The following DCDC2C variants were observed in gnomAD, a reference collection of about 807,000 sequenced individuals.
DCDC2C encodes doublecortin domain containing 2C.
In DCDC2C, 44 loss-of-function variants were observed where a neutral mutation model predicts 45.0. That is an observed-to-expected ratio of 0.98 (90% confidence interval 0.77 to 1.26). DCDC2C has a LOEUF of 1.26. DCDC2C is among the 50% of genes most tolerant of loss of function. The pLI is 0.00. For synonymous variants in DCDC2C, 187 were observed against 178.8 expected (o/e 1.05, Z -0.37); for missense variants, 447 against 468.9 (o/e 0.95, Z 0.43).
At chr2:3,748,673 T>C (rs1421973715) in intron 4 of DCDC2C, among the ~76,000 whole-genome samples, 1 of 152,118 alleles carries the variant, frequency 6.6e-6, no homozygotes, top group Non-Finnish European at 1.5e-5. Context: ...TATTGACGGT[T>C]GAGGTGCTGG....
intron 4 of DCDC2C, among the ~76,000 whole-genome samples, chr2:3,750,198 C>T (rs1401256286): frequency 6.6e-6 from 1 of 152,158 alleles, no homozygotes; most frequent in Non-Finnish European, 1.5e-5. Context: ...CAGCCAAGAA[C>T]ATAAGCACGA....
intron 4 of DCDC2C, among the ~76,000 whole-genome samples, chr2:3,742,291 G>A (rs1450434054): frequency 6.6e-6 from 1 of 152,192 alleles, no homozygotes; most frequent in Non-Finnish European, 1.5e-5. Flanking sequence ...GGAGAATACA[G>A]CATTGCAAAA....
In DCDC2C at chr2:3,837,622, A is replaced by AGACAGTATCAAGAG. The variant is rs1558249632; in HGVS notation, c.1066-9532_1066-9531insGACAGTATCAAGAG. Among the ~76,000 whole-genome samples the AGACAGTATCAAGAG allele has an allele frequency of 8.8e-5, 11 of 124,478 alleles. 5 individuals carry two copies. Among genetic ancestry groups the AGACAGTATCAAGAG allele is most frequent in the African/African-American group, 1.7e-4 (6 of 35,624 alleles). The allele number at this position is 124,478 out of a possible 152,430, so 81.7% of individuals were successfully genotyped here. On this transcript the variant is annotated intron_variant, in intron 10 of 10. Transcript: ENST00000399143. ...TCATCTAAAGGGGAAGAAACTGAGGAAGAAATCAGCCTTTGGCTCCCCCTT... is the reference window on the plus strand; with the variant it reads ...TCATCTAAAGGGGAAGAAACTGAGGAGACAGTATCAAGAGAGAAATCAGCCTTTGGCTCCCCCTT...
At chr2:3,769,792 AT>A (rs976893884) in intron 8 of DCDC2C, among the ~76,000 whole-genome samples, 3 of 152,076 alleles carry the variant, frequency 2.0e-5, no homozygotes, top group African/African-American at 7.2e-5. Flanking sequence ...GGCCTTAGTA[AT>A]TTTTTTGTGG....
At chr2:3,815,557 G>A (rs145024646) in intron 10 of DCDC2C, among the ~76,000 whole-genome samples, 1,644 of 152,288 alleles carry the variant, frequency 0.011, 40 homozygotes, top group African/African-American at 0.037. Context: ...GTTGTCACAC[G>A]TATCCATGTG....
intron 10 of DCDC2C, among the ~76,000 whole-genome samples, chr2:3,834,431 G>A (rs1343231004): frequency 1.3e-5 from 2 of 152,154 alleles, no homozygotes; most frequent in East Asian, 3.9e-4. Context: ...GTTCCAGAAT[G>A]TCATAGAGTT....
Position 3,703,638 on chromosome 2 carries a change from G to A in DCDC2C, c.-114G>A. On this transcript the variant is annotated 5_prime_UTR_variant, in exon 1 of 11. Coordinates refer to ENST00000399143, the MANE Select transcript of DCDC2C (RefSeq NM_001287444.2). This position sits in a 1 kb window ranked among gnomAD's most constrained non-coding sequence, Gnocchi z 4.4. ...CGTCCCGTCCCCGTCCTGCGCCAGC[G>A]GCTGGAGCGGACCTCCCGTCGGCGG... 1 of 1,037,748 alleles carries A rather than the reference G, an allele frequency of 9.6e-7. No homozygotes were observed. The highest frequency in any genetic ancestry group is 1.2e-6 in the Non-Finnish European group (1 of 819,050). The allele number at this position is 1,037,748 out of a possible 1,614,324, so 64.3% of individuals were successfully genotyped here. A position where few individuals can be genotyped will look rare whatever the true frequency, so the allele number is the denominator to read the frequency against.
At chr2:3,772,278 C>G (rs542341637) in intron 8 of DCDC2C, among the ~76,000 whole-genome samples, 1 of 152,298 alleles carries the variant, frequency 6.6e-6, no homozygotes, top group East Asian at 1.9e-4. Context: ...AAGGACACTT[C>G]GATTTTCCTG....
chr2:3,744,634 C>T (rs1669309024), intron 4 of DCDC2C, among the ~76,000 whole-genome samples: 1 of 152,180 alleles, frequency 6.6e-6, no homozygotes. Flanking sequence ...TTAATCCTGC[C>T]TTATGCTTTT....
At chr2:3,821,829 T>A (rs1394349544) in intron 10 of DCDC2C, among the ~76,000 whole-genome samples, 1 of 152,268 alleles carries the variant, frequency 6.6e-6, no homozygotes, top group East Asian at 1.9e-4. Flanking sequence ...TTTTTATAAT[T>A]TTATGTAACT....
At chr2:3,797,968 G>A (rs1671008023) in intron 10 of DCDC2C, among the ~76,000 whole-genome samples, 1 of 151,268 alleles carries the variant, frequency 6.6e-6, no homozygotes, top group African/African-American at 2.4e-5. Flanking sequence ...TTGACAGTGG[G>A]GTGTTAAAGT....
intron 8 of DCDC2C, 107 bp downstream of exon 8, chr2:3,769,518 C>G (rs1670108277): frequency 1.0e-6 from 1 of 985,634 alleles, no homozygotes; most frequent in Non-Finnish European, 1.5e-6. Context: ...TCTCTGGACT[C>G]TAGAATGTTC....
chr2:3,803,864 A>C (rs1043206354), intron 10 of DCDC2C, among the ~76,000 whole-genome samples: 1 of 151,700 alleles, frequency 6.6e-6, no homozygotes, highest in Non-Finnish European at 1.5e-5. Context: ...CTGGCTTTGC[A>C]CTCTTCTGAC....
intron 9 of DCDC2C, among the ~76,000 whole-genome samples, chr2:3,781,546 CATATT>C (rs1286590072): frequency 6.6e-6 from 1 of 152,166 alleles, no homozygotes; most frequent in East Asian, 1.9e-4. Flanking sequence ...TGTAAGAAGA[CATATT>C]ATAAACTTTA....
intron 2 of DCDC2C, among the ~76,000 whole-genome samples, chr2:3,715,866 A>G (rs1668338487): frequency 6.6e-6 from 1 of 152,196 alleles, no homozygotes; most frequent in South Asian, 2.1e-4. Context: ...TATACAATAT[A>G]GAGTATGTGG....
chr2:3,832,484 G>C (rs1452861509), intron 10 of DCDC2C, among the ~76,000 whole-genome samples: 1 of 152,188 alleles, frequency 6.6e-6, no homozygotes, highest in African/African-American at 2.4e-5. Context: ...GGTGCTCTGA[G>C]ATTGTTGATA....
chr2:3,722,006 G>C (rs1013951192), intron 2 of DCDC2C, among the ~76,000 whole-genome samples: 3 of 152,216 alleles, frequency 2.0e-5, no homozygotes, highest in Admixed American at 2.0e-4. Context: ...CTAATACACT[G>C]TTATCAACTG....
chr2:3,743,938 G>A (rs1209243763), intron 4 of DCDC2C, among the ~76,000 whole-genome samples: 3 of 152,260 alleles, frequency 2.0e-5, no homozygotes, highest in East Asian at 1.9e-4. Context: ...GCGTGGTGGC[G>A]GGAACCTGTA....
intron 8 of DCDC2C, among the ~76,000 whole-genome samples, chr2:3,778,614 T>C (rs1231811537): frequency 1.3e-5 from 2 of 152,086 alleles, no homozygotes; most frequent in Non-Finnish European, 2.9e-5. Context: ...CCAGCAATTT[T>C]ACCAAGCAGG....
Sources: allele counts gnomAD v4.1 joint callset (sites outside exome capture counted in the v4.1 genomes callset), GRCh38; gene constraint gnomAD v4.1.1; non-coding constraint Gnocchi (gnomAD v3.1); transcripts MANE v1.5; gene names NCBI Gene and HGNC (gene_info 2026-07-23, HGNC 2026-07-21).